Variants in CHCHD6 observed in about 807,000 individuals in gnomAD.
CHCHD6 encodes MICOS complex subunit MIC25.
A neutral mutation model predicts 32.3 loss-of-function variants in CHCHD6; 28 were observed. The observed-to-expected ratio is 0.87, with a 90% CI of 0.64 to 1.19. The LOEUF (loss-of-function observed/expected upper bound fraction) is 1.19. CHCHD6 is among the 50% of genes most tolerant of loss of function. The pLI is 0.00. For synonymous variants in CHCHD6, 122 were observed against 117.5 expected, an observed-to-expected ratio of 1.04 and a Z score of -0.25; for missense variants, 333 against 307.0, an observed-to-expected ratio of 1.08 and a Z score of -0.63.
Position 126,727,100 on chromosome 3 carries a change from G to T in CHCHD6, c.110G>T (p.Arg37Leu), listed in dbSNP as rs1250867002. The change falls in exon 2 of 8, where the codon CGC becomes CTC. Residue 37 changes from arginine (R) to leucine (L), a missense_variant. Physicochemically the swap from Arg to Leu is moderately radical, Grantham distance 102. Transcript: ENST00000290913. ...TAGCTGTCTGAAAACGTGGTGAACC[G>T]CATGAAGGAGCCCAGCTCTCCACCC... ...GVRLSENVVNRMKEPSSPPPA... is the reference protein window; with the variant it reads ...GVRLSENVVNLMKEPSSPPPA... The T allele has an allele frequency of 1.2e-6, 2 of 1,613,756 alleles. No individual in the cohort carries two copies. The highest frequency in any genetic ancestry group is 1.3e-5 in the African/African-American group (1 of 75,014).
chr3:126,802,024 TAACA>T (rs1939103458), intron 4 of CHCHD6, among the ~76,000 whole-genome samples: 1 of 152,162 alleles, frequency 6.6e-6, no homozygotes, highest in African/African-American at 2.4e-5. Flanking sequence ...GAAGGAAAAC[TAACA>T]AACAGAAAGG....
intron 4 of CHCHD6, among the ~76,000 whole-genome samples, chr3:126,795,944 A>G (rs984526155): frequency 1.3e-5 from 2 of 152,216 alleles, no homozygotes; most frequent in Non-Finnish European, 2.9e-5. Context: ...GAGCTCACTC[A>G]GGTGATAGCT....
chr3:126,837,568 A>G (rs1025363535), intron 4 of CHCHD6, among the ~76,000 whole-genome samples: 1 of 152,202 alleles, frequency 6.6e-6, no homozygotes, highest in African/African-American at 2.4e-5. Flanking sequence ...ATTCATTCAT[A>G]CATACATATA....
chr3:126,831,440 G>A (rs1369906182), intron 4 of CHCHD6, among the ~76,000 whole-genome samples: 2 of 152,176 alleles, frequency 1.3e-5, no homozygotes, highest in Non-Finnish European at 2.9e-5. Context: ...TTTAAGTGCT[G>A]TATTGCAATT....
chr3:126,954,837 C>T (rs1320999345), intron 6 of CHCHD6, among the ~76,000 whole-genome samples: 1 of 152,200 alleles, frequency 6.6e-6, no homozygotes, highest in South Asian at 2.1e-4. Context: ...GAGGGGACAG[C>T]AGTATAGGTG....
At chr3:126,776,225 G>T (rs776450510) in intron 4 of CHCHD6, among the ~76,000 whole-genome samples, 1 of 152,178 alleles carries the variant, frequency 6.6e-6, no homozygotes, top group Non-Finnish European at 1.5e-5. Flanking sequence ...GGTACAACAT[G>T]GCTCCTAAAT....
At chr3:126,855,276 A>G (rs1941623238) in intron 5 of CHCHD6, among the ~76,000 whole-genome samples, 2 of 152,230 alleles carry the variant, frequency 1.3e-5, no homozygotes, top group African/African-American at 4.8e-5. Flanking sequence ...ACCAGAGCCC[A>G]TGAGCCTTGG....
chr3:126,707,871 G>C (rs1053127024), intron 1 of CHCHD6, among the ~76,000 whole-genome samples: 1 of 152,226 alleles, frequency 6.6e-6, no homozygotes, highest in Non-Finnish European at 1.5e-5. Context: ...CCTCACCTCA[G>C]TGAATGTCCA....
intron 5 of CHCHD6, among the ~76,000 whole-genome samples, chr3:126,887,049 T>C (rs2077688761): frequency 6.6e-6 from 1 of 152,232 alleles, no homozygotes; most frequent in South Asian, 2.1e-4. Context: ...GTTTGATAAA[T>C]GTTCTATCTG....
intron 4 of CHCHD6, among the ~76,000 whole-genome samples, chr3:126,742,158 G>A (rs960453207): frequency 1.3e-5 from 2 of 152,248 alleles, no homozygotes; most frequent in Non-Finnish European, 2.9e-5. Flanking sequence ...GCTGTGGGAT[G>A]CAGGTGATAC....
At chr3:126,808,306 A>C (rs2107694871) in intron 4 of CHCHD6, among the ~76,000 whole-genome samples, 1 of 152,284 alleles carries the variant, frequency 6.6e-6, no homozygotes, top group African/African-American at 2.4e-5. Context: ...TAATCTTGGA[A>C]GGGACATTCC....
Position 126,813,523 on chromosome 3 carries a change from C to G in CHCHD6, c.412-39124C>G, listed in dbSNP as rs1939748654. Among the ~76,000 whole-genome samples the G allele has an allele frequency of 2.0e-5, 3 of 152,182 alleles. No homozygotes were observed. In the South Asian group the frequency reaches 6.2e-4, roughly 32 times the overall value. On this transcript the variant is annotated intron_variant, in intron 4 of 7. Coordinates refer to ENST00000290913, the MANE Select transcript of CHCHD6 (RefSeq NM_032343.3). The stretch of plus-strand genomic sequence containing the variant: ...ATTCTGAGCATCTGCTAGGTACTGG[C>G]CACTACTGAGGAGCTTTCACCCACA...
At chr3:126,724,292 C>T (rs1559805402) in intron 1 of CHCHD6, among the ~76,000 whole-genome samples, 5 of 152,136 alleles carry the variant, frequency 3.3e-5, no homozygotes, top group Admixed American at 2.6e-4. Flanking sequence ...ATGGTGCAGA[C>T]GTGGCTCCAG....
intron 5 of CHCHD6, among the ~76,000 whole-genome samples, chr3:126,860,106 G>A (rs1464361925): frequency 1.3e-5 from 2 of 152,134 alleles, no homozygotes; most frequent in African/African-American, 4.8e-5. Context: ...GAGGCCCAGA[G>A]TCTGCACCAG....
chr3:126,856,254 C>G (rs1576501002), intron 5 of CHCHD6, among the ~76,000 whole-genome samples: 1 of 152,344 alleles, frequency 6.6e-6, no homozygotes, highest in African/African-American at 2.4e-5. Flanking sequence ...GTTGGACAAG[C>G]TTGATTTAAC....
intron 5 of CHCHD6, among the ~76,000 whole-genome samples, chr3:126,890,538 G>A (rs1457490244): frequency 6.6e-6 from 1 of 152,154 alleles, no homozygotes; most frequent in Non-Finnish European, 1.5e-5. Flanking sequence ...AGGAGGAGAG[G>A]TTGGGGATGA....
intron 4 of CHCHD6, among the ~76,000 whole-genome samples, chr3:126,741,122 G>A (rs1936270936): frequency 6.6e-6 from 1 of 152,154 alleles, no homozygotes; most frequent in African/African-American, 2.4e-5. Flanking sequence ...TCCTAGAGTG[G>A]TGTATTGGAC....
intron 1 of CHCHD6, 133 bp downstream of exon 1, chr3:126,704,532 G>A: frequency 1.9e-6 from 1 of 528,464 alleles, no homozygotes; most frequent in Non-Finnish European, 3.1e-6. Context: ...GGGGGCTCAG[G>A]CCAGGAAGAG....
intron 1 of CHCHD6, among the ~76,000 whole-genome samples, chr3:126,723,258 T>C (rs1228223771): frequency 6.6e-6 from 1 of 152,188 alleles, no homozygotes; most frequent in African/African-American, 2.4e-5. Flanking sequence ...TTACAATCTT[T>C]TGTTACTAAG....
Sources: allele counts gnomAD v4.1 joint callset (sites outside exome capture counted in the v4.1 genomes callset), GRCh38; gene constraint gnomAD v4.1.1; transcripts MANE v1.5; gene names NCBI Gene and HGNC (gene_info 2026-07-23, HGNC 2026-07-21).